The following GLG1 variants were observed in gnomAD, a reference collection of about 807,000 sequenced individuals.
GLG1 encodes the protein golgi glycoprotein 1, also known as Golgi apparatus protein 1.
In GLG1, 38 loss-of-function variants were observed where a neutral mutation model predicts 160.5. The ratio of observed to expected loss-of-function variants is 0.24; its 90% CI spans 0.18 to 0.31. The LOEUF is 0.31. GLG1 is among the 10% of genes least tolerant of loss of function. The pLI is 1.00. For missense variants in GLG1, 1,373 were observed against 1,505.2 expected (o/e 0.91, Z 1.45); for synonymous variants, 644 against 543.4 (o/e 1.19, Z -2.57).
intron 1 of GLG1, among the ~76,000 whole-genome samples, chr16:74,551,622 T>G (rs1266621860): frequency 6.6e-6 from 1 of 151,914 alleles, no homozygotes; most frequent in Non-Finnish European, 1.5e-5. Context: ...ATTTTTTTTT[T>G]TTTAAATAAA....
At chr16:74,557,106 G>A (rs879463322) in intron 1 of GLG1, among the ~76,000 whole-genome samples, 4 of 152,168 alleles carry the variant, frequency 2.6e-5, no homozygotes, top group African/African-American at 4.8e-5. Context: ...CCTAATTGGT[G>A]TGGGGTTAGC....
Position 74,462,624 on chromosome 16 carries a change from C to T in GLG1, c.2798G>A (p.Arg933His), listed in dbSNP as rs1398153133. ...GGCTTTTCTTAACATGGGGTTTAAG[C>T]GGTAATCTAGAGTAGAAAGCAGTGA... Reference protein sequence around the residue: ...KRQITQNTDYRLNPMLRKACK... With the variant: ...KRQITQNTDYHLNPMLRKACK... Residue 933 changes from arginine to histidine, a missense_variant, in exon 21 of 26, where the codon CGC (arginine) becomes CAC (histidine). Arg to His is a conservative substitution (Grantham distance 29, BLOSUM62 0). Transcript: ENST00000422840. The T allele has an allele frequency of 1.2e-6, 2 of 1,613,760 alleles. No homozygotes were observed. The highest frequency in any genetic ancestry group is 2.2e-5 in the East Asian group (1 of 44,894).
intron 1 of GLG1, among the ~76,000 whole-genome samples, chr16:74,604,155 C>T (rs1245977052): frequency 6.6e-6 from 1 of 152,146 alleles, no homozygotes; most frequent in African/African-American, 2.4e-5. Context: ...CACCACTGCA[C>T]TCCAGCCTGG....
At chr16:74,600,995 A>G (rs1958427781) in intron 1 of GLG1, among the ~76,000 whole-genome samples, 1 of 152,184 alleles carries the variant, frequency 6.6e-6, no homozygotes, top group Non-Finnish European at 1.5e-5. Context: ...TAGGTGTATA[A>G]TAGAAGATCA....
In GLG1 at chr16:74,503,599, C is replaced by A. The variant is rs1260949102; in HGVS notation, c.706G>T (p.Gly236Cys). The A allele has an allele frequency of 3.1e-6, 5 of 1,613,774 alleles. No individual in the cohort carries two copies. ...TCATTTTTGCAGTCATCCATGAAGCCACAGATTAAACGGTAATCACTAAAA... is the reference window on the plus strand; with the variant it reads ...TCATTTTTGCAGTCATCCATGAAGCAACAGATTAAACGGTAATCACTAAAA... ...IIFSDYRLIC[G>C]FMDDCKNDIN... The change falls in exon 4 of 26, where the codon GGC (glycine) becomes TGC (cysteine). Residue 236 changes from glycine (G) to cysteine (C), a missense_variant. Gly to Cys is a radical substitution (Grantham distance 159, BLOSUM62 -3). This residue lies in a region of GLG1 where 174 missense variants were observed against 229.9 expected (regional missense o/e 0.76). Coordinates refer to ENST00000422840, the MANE Select transcript of GLG1 (RefSeq NM_001145667.2).
At chr16:74,458,490 G>C (rs1249637589) in intron 23 of GLG1, among the ~76,000 whole-genome samples, 1 of 151,950 alleles carries the variant, frequency 6.6e-6, no homozygotes, top group Non-Finnish European at 1.5e-5. Context: ...GGGTAACACA[G>C]CAAGACCCCC....
chr16:74,472,500 T>C lies in GLG1; in HGVS notation c.2053-89A>G. ...TTTCTCTTTCTGAATCAGTAATATCTGATGGGCAAATAATCTAATACATAC... is the reference window on the plus strand; with the variant it reads ...TTTCTCTTTCTGAATCAGTAATATCCGATGGGCAAATAATCTAATACATAC... On this transcript the variant is annotated intron_variant, in intron 13 of 25. Transcript: ENST00000422840. The C allele has an allele frequency of 2.2e-6, 3 of 1,345,806 alleles. No homozygotes were observed. In the Admixed American group the frequency reaches 5.9e-5, roughly 27 times the overall value. The allele number at this position is 1,345,806 out of a possible 1,614,324, so 83.4% of individuals were successfully genotyped here.
chr16:74,462,288 C>G, intron 21 of GLG1, 93 bp from the exon 22 acceptor site: 1 of 816,502 alleles, frequency 1.2e-6, no homozygotes, highest in Non-Finnish European at 2.0e-6. Context: ...ACAACAACAA[C>G]CACAAGAACA....
intron 23 of GLG1, 97 bp from the exon 24 acceptor site, chr16:74,458,091 A>G: frequency 8.1e-7 from 1 of 1,233,374 alleles, no homozygotes; most frequent in Non-Finnish European, 1.2e-6. Context: ...AAAAGGGGGG[A>G]AGTTGAGGGC....
chr16:74,571,618 C>A (rs1215552866), intron 1 of GLG1, among the ~76,000 whole-genome samples: 1 of 150,896 alleles, frequency 6.6e-6, no homozygotes, highest in African/African-American at 2.4e-5. Flanking sequence ...ACAGCCACCG[C>A]ACTCCAGCCT....
intron 2 of GLG1, among the ~76,000 whole-genome samples, chr16:74,511,380 G>A (rs1179491741): frequency 6.6e-6 from 1 of 151,948 alleles, no homozygotes; most frequent in African/African-American, 2.4e-5. Flanking sequence ...GGCTGGGCAT[G>A]GTGGCTCATG....
chr16:74,537,389 A>G (rs2017715103), intron 1 of GLG1, among the ~76,000 whole-genome samples: 1 of 151,992 alleles, frequency 6.6e-6, no homozygotes, highest in Non-Finnish European at 1.5e-5. Flanking sequence ...CAAAAAACAG[A>G]AAACAAAAAA....
At chr16:74,599,627 G>A (rs1958391058) in intron 1 of GLG1, among the ~76,000 whole-genome samples, 1 of 152,112 alleles carries the variant, frequency 6.6e-6, no homozygotes. Context: ...CACTTTCGGA[G>A]GCCGAGGTGG....
chr16:74,607,018 C>T lies in GLG1; in HGVS notation c.77G>A (p.Gly26Glu), dbSNP rs1958590909. 3 of 1,600,510 alleles carry T rather than the reference C, an allele frequency of 1.9e-6. No homozygotes were observed. Among genetic ancestry groups the T allele is most frequent in the Non-Finnish European group, 2.6e-6 (3 of 1,175,976 alleles). ...ALHLLLLFAA[G>E]AEKLPGQGVH... is the part of the protein sequence containing the mutation. Reference sequence around the variant, plus strand: ...GCCCTGGCCGGGGAGTTTCTCGGCCCCGGCCGCGAATAGCAGCAGCAGATG... The same window carrying T: ...GCCCTGGCCGGGGAGTTTCTCGGCCTCGGCCGCGAATAGCAGCAGCAGATG... Residue 26 changes from glycine (G) to glutamate (E), a missense_variant, in exon 1 of 26, where the codon GGG (glycine) becomes GAG (glutamate). Around this residue, in one of 4 missense-constraint regions of GLG1, gnomAD observed 322 missense variants for 254.6 expected, o/e 1.26. Coordinates refer to ENST00000422840, the MANE Select transcript of GLG1 (RefSeq NM_001145667.2).
intron 1 of GLG1, among the ~76,000 whole-genome samples, chr16:74,544,384 G>T (rs182736175): frequency 3.5e-4 from 54 of 152,312 alleles, no homozygotes; most frequent in Admixed American, 1.2e-3. Flanking sequence ...CACAATCTCG[G>T]CTCACCACAA....
At chr16:74,510,007 T>G (rs955612510) in intron 2 of GLG1, among the ~76,000 whole-genome samples, 14 of 149,826 alleles carry the variant, frequency 9.3e-5, no homozygotes, top group African/African-American at 3.2e-4. Flanking sequence ...CTTAAAACAC[T>G]TGACACATAC....
At chr16:74,479,717 C>T (rs973775718) in intron 11 of GLG1, among the ~76,000 whole-genome samples, 14 of 152,106 alleles carry the variant, frequency 9.2e-5, no homozygotes, top group African/African-American at 2.9e-4. Context: ...CATGTCAGTG[C>T]GCACCGGGAA....
In GLG1 at chr16:74,508,916, TC is replaced by T; in HGVS notation, c.480del (p.Trp160Ter). The T allele has an allele frequency of 7.1e-7, 1 of 1,412,776 alleles. No homozygotes were observed. The highest frequency in any genetic ancestry group is 1.0e-6 in the Non-Finnish European group (1 of 1,000,156). The allele number at this position is 1,412,776 out of a possible 1,614,324, so 87.5% of individuals were successfully genotyped here. A position where few individuals can be genotyped will look rare whatever the true frequency, so the allele number is the denominator to read the frequency against. On this transcript the variant is annotated frameshift_variant, in exon 3 of 26. Transcript: ENST00000422840. LOFTEE classifies it high-confidence loss of function. Reference sequence around the variant, plus strand: ...TCTGTAGTTAGGTTCAGCTTATAATTCCACAACAACTAGATAGGAGAGGAAA... The same window carrying T: ...TCTGTAGTTAGGTTCAGCTTATAATTCACAACAACTAGATAGGAGAGGAAA... Reference protein sequence around the residue: ...EISSDCNHLLWNYKLNLTTDP... With the variant: ...EISSDCNHLLXNYKLNLTTDP...
chr16:74,486,063 G>A (rs2015776458), intron 8 of GLG1, 146 bp from the exon 9 acceptor site: 1 of 600,844 alleles, frequency 1.7e-6, no homozygotes, highest in Admixed American at 3.3e-5. Context: ...CCAAGCTCAA[G>A]AGCATTTGCC....
Sources: allele counts gnomAD v4.1 joint callset (sites outside exome capture counted in the v4.1 genomes callset), GRCh38; gene constraint gnomAD v4.1.1; regional missense constraint gnomAD v4.1.1; transcripts MANE v1.5; gene names NCBI Gene and HGNC (gene_info 2026-07-23, HGNC 2026-07-21).